Variants in NLGN3 observed in about 807,000 individuals in gnomAD.
The protein encoded by NLGN3 is neuroligin-3.
In NLGN3, 11 loss-of-function variants were observed where a neutral mutation model predicts 42.9. The observed-to-expected ratio is 0.26, with a 90% CI of 0.16 to 0.42. The LOEUF is 0.42. Among genes scored for constraint, NLGN3 ranks in the 10% least tolerant of loss-of-function variants. The pLI is 1.00. For synonymous variants in NLGN3, 279 were observed against 312.7 expected (o/e 0.89, Z 1.14); for missense variants, 374 against 733.8 (o/e 0.51, Z 5.67).
chrX:71,168,560 G>A (rs780023828), intron 7 of NLGN3, among the ~76,000 whole-genome samples: 3 of 108,499 alleles, frequency 2.8e-5, no homozygotes, highest in South Asian at 7.9e-4. Flanking sequence ...GTGAAACACC[G>A]TCTCTACTAT....
In NLGN3 at chrX:71,169,240, A is replaced by T. The variant is rs376395324; in HGVS notation, c.1704-14A>T. 8.3e-7 allele frequency: 1 copy of T among 1,208,018 alleles called. No individual in the cohort carries two copies. On this transcript the variant is annotated splice_polypyrimidine_tract_variant and intron_variant, in intron 7 of 7. Transcript: ENST00000358741. The stretch of plus-strand genomic sequence containing the variant: ...GATAGAGTGGTGACCCCAGATTTCC[A>T]TGTGGTATTTCAGGGATCCCAACAA...
At chrX:71,169,127 C>T (rs2092461570) in intron 7 of NLGN3, 127 bp from the exon 8 acceptor site, 3 of 787,553 alleles carry the variant, frequency 3.8e-6, no homozygotes, top group South Asian at 2.3e-5. Flanking sequence ...AGCAGGGGAC[C>T]CTGAAAAAGA....
chrX:71,161,115 C>CTTT (rs375604446), intron 5 of NLGN3, among the ~76,000 whole-genome samples: 2 of 91,221 alleles, frequency 2.2e-5, no homozygotes, highest in Admixed American at 1.3e-4. Context: ...TCTTTTCTTT[C>CTTT]TTTTTTTTTT....
intron 7 of NLGN3, among the ~76,000 whole-genome samples, chrX:71,168,821 A>AAGAAAG (rs541237666): frequency 2.9e-5 from 2 of 69,352 alleles, no homozygotes; most frequent in Non-Finnish European, 4.9e-5. Flanking sequence ...AGAGAAAAAA[A>AAGAAAG]AAAGAAAGAA....
At chrX:71,157,007 T>A (rs1044457004) in intron 5 of NLGN3, among the ~76,000 whole-genome samples, 8 of 110,095 alleles carry the variant, frequency 7.3e-5, no homozygotes, top group Non-Finnish European at 1.3e-4. Flanking sequence ...CTGCTCATGC[T>A]CCCCCAAGCC....
chrX:71,164,585 G>A (rs1451519854), intron 6 of NLGN3, among the ~76,000 whole-genome samples: 2 of 112,534 alleles, frequency 1.8e-5, no homozygotes, highest in Non-Finnish European at 3.8e-5. Flanking sequence ...ATTTTGGGGA[G>A]TGGGAATAGA....
chrX:71,150,683 C>A (rs2092387562), intron 3 of NLGN3, among the ~76,000 whole-genome samples: 1 of 86,101 alleles, frequency 1.2e-5, no homozygotes, highest in Admixed American at 1.5e-4. Context: ...GCCTGGGCGA[C>A]AGAGCGAGAC....
At chrX:71,160,468 C>T (rs113008745) in intron 5 of NLGN3, among the ~76,000 whole-genome samples, 1,959 of 111,492 alleles carry the variant, frequency 0.018, 38 homozygotes, top group African/African-American at 0.06. Context: ...CCACCTGCCT[C>T]GGCCTCCCAA....
chrX:71,149,051 C>A (rs2092381694), intron 3 of NLGN3, 146 bp downstream of exon 3: 2 of 366,904 alleles, frequency 5.5e-6, no homozygotes, highest in African/African-American at 2.7e-5. Context: ...CATCTGAGGG[C>A]CCTGGCTGCC....
intron 6 of NLGN3, among the ~76,000 whole-genome samples, chrX:71,166,228 G>A (rs1339194673): frequency 2.7e-5 from 3 of 110,953 alleles, no homozygotes; most frequent in Non-Finnish European, 3.8e-5. Flanking sequence ...AGGCCAAGGC[G>A]GGTGGATCAC....
At chrX:71,163,366 TG>T (rs1371068043) in intron 5 of NLGN3, among the ~76,000 whole-genome samples, 2 of 111,810 alleles carry the variant, frequency 1.8e-5, no homozygotes, top group Non-Finnish European at 3.8e-5. Flanking sequence ...CACAGATTGC[TG>T]GGCCCCACCC....
chrX:71,152,366 C>G (rs937971198), intron 3 of NLGN3, among the ~76,000 whole-genome samples: 3 of 110,494 alleles, frequency 2.7e-5, no homozygotes, highest in Non-Finnish European at 5.7e-5. Context: ...CTTCTCTCCC[C>G]CTACATGCCC....
intron 7 of NLGN3, among the ~76,000 whole-genome samples, chrX:71,168,884 G>GAAAGAAAAGAA (rs774015992): frequency 3.5e-4 from 25 of 71,549 alleles, no homozygotes; most frequent in African/African-American, 2.4e-3. Context: ...AGAAAAGAAA[G>GAAAGAAAAGAA]AGAAAGAAAG....
chrX:71,172,627 C>CGTGTGTGTGT (rs59876964), downstream of NLGN3, among the ~76,000 whole-genome samples: 52 of 100,525 alleles, frequency 5.2e-4, no homozygotes, highest in African/African-American at 1.7e-3. Context: ...TGTGTGCATG[C>CGTGTGTGTGT]GTGTGTGTGT....
At chrX:71,158,375 G>A (rs980341283) in intron 5 of NLGN3, among the ~76,000 whole-genome samples, 11 of 112,022 alleles carry the variant, frequency 9.8e-5, no homozygotes, top group Admixed American at 6.6e-4. Context: ...GTGAGCCACC[G>A]CGCCCGGCTG....
At chrX:71,149,150 C>T (rs1156817190) in intron 3 of NLGN3, among the ~76,000 whole-genome samples, 1 of 110,529 alleles carries the variant, frequency 9.0e-6, no homozygotes, top group Non-Finnish European at 1.9e-5. Context: ...AAATTCCACC[C>T]TAAAGTGTGT....
At chrX:71,159,881 C>G (rs1032813029) in intron 5 of NLGN3, among the ~76,000 whole-genome samples, 15 of 100,780 alleles carry the variant, frequency 1.5e-4, no homozygotes, top group Non-Finnish European at 3.0e-4. Flanking sequence ...CGCACCACCA[C>G]GCCCAGCTAT....
chrX:71,171,779 C>A, downstream of NLGN3: 2 of 390,227 alleles, frequency 5.1e-6, no homozygotes, highest in Non-Finnish European at 6.5e-6. Context: ...GCCCTGGGAG[C>A]GATTTTTCTA....
chrX:71,148,958 C>T, intron 3 of NLGN3, 53 bp downstream of exon 3: 5 of 796,205 alleles, frequency 6.3e-6, no homozygotes, highest in Non-Finnish European at 8.7e-6. Flanking sequence ...GGGCTGCCTG[C>T]CCACCTGCCC....
Sources: gnomAD v4.1 joint callset for allele counts (sites outside exome capture counted in the v4.1 genomes callset) on GRCh38, gnomAD v4.1.1 for gene constraint, MANE v1.5 for transcripts, NCBI Gene and HGNC (gene_info 2026-07-23, HGNC 2026-07-21) for gene names.